PHACTR1: variants seen among roughly 807,000 people sequenced by gnomAD.
PHACTR1 encodes phosphatase and actin regulator 1.
Under a neutral mutation model 69.2 loss-of-function variants are expected in PHACTR1, and 16 were observed. That is an observed-to-expected ratio of 0.23 (90% CI 0.16 to 0.35). The LOEUF (loss-of-function observed/expected upper bound fraction) is 0.35, where lower values mean the gene tolerates loss of function less well. Among genes scored for constraint, PHACTR1 ranks in the 10% least tolerant of loss-of-function variants. PHACTR1 has a pLI of 1.00. For missense variants in PHACTR1, 510 were observed against 734.7 expected (o/e 0.69, Z 3.54); for synonymous variants, 312 against 284.5 (o/e 1.10, Z -0.97).
At chr6:13,080,371 C>T (rs1238649575) in intron 5 of PHACTR1, among the ~76,000 whole-genome samples, 1 of 152,084 alleles carries the variant, frequency 6.6e-6, no homozygotes, top group Non-Finnish European at 1.5e-5. Context: ...GCAAAATTAA[C>T]CCTATTGAAG....
At chr6:12,846,140 G>A (rs1300026993) in intron 4 of PHACTR1, among the ~76,000 whole-genome samples, 2 of 152,170 alleles carry the variant, frequency 1.3e-5, no homozygotes, top group Admixed American at 6.5e-5. Context: ...CTCTCCACTT[G>A]GAAGGATGAC....
chr6:12,998,377 G>A (rs1011731886), intron 4 of PHACTR1, among the ~76,000 whole-genome samples: 2 of 152,136 alleles, frequency 1.3e-5, no homozygotes, highest in South Asian at 4.1e-4. Context: ...CAGCACTTTG[G>A]GAGGCTGAGG....
In PHACTR1 at chr6:12,739,562, C is replaced by G. The variant is rs372203319; in HGVS notation, c.104-10082C>G. On this transcript the variant is annotated intron_variant, in intron 3 of 14. Transcript: ENST00000332995. ...TAAATAAATTTATTTATTTTTGAGA[C>G]AGGGTCTCACTCTGTTGCCCAGGCT... Among the ~76,000 whole-genome samples the G allele has an allele frequency of 2.8e-4, 43 of 152,130 alleles. 1 individual carries two copies. In the East Asian group the frequency reaches 3.5e-3, roughly 12 times the overall value.
intron 4 of PHACTR1, among the ~76,000 whole-genome samples, chr6:12,919,509 C>G (rs12332889): frequency 0.014 from 2,063 of 152,276 alleles, 46 homozygotes; most frequent in African/African-American, 0.047. Context: ...TAAGATCCTA[C>G]AGGATCCCTG....
At chr6:13,041,339 T>TACACACAC (rs368368056) in intron 4 of PHACTR1, among the ~76,000 whole-genome samples, 16,646 of 135,196 alleles carry the variant, frequency 0.12, 1,159 homozygotes, top group East Asian at 0.23. Context: ...TTAAAATACA[T>TACACACAC]ACACACACAC....
chr6:12,855,145 T>C (rs1326809085), intron 4 of PHACTR1, among the ~76,000 whole-genome samples: 1 of 152,170 alleles, frequency 6.6e-6, no homozygotes, highest in Admixed American at 6.5e-5. Context: ...TAGGTGCCTA[T>C]CAATGGTGGA....
At chr6:13,121,175 C>G (rs1397762254) in intron 5 of PHACTR1, among the ~76,000 whole-genome samples, 1 of 152,122 alleles carries the variant, frequency 6.6e-6, no homozygotes, top group Non-Finnish European at 1.5e-5. Context: ...GAAGCGATGC[C>G]AGCAAAGAAG....
intron 4 of PHACTR1, among the ~76,000 whole-genome samples, chr6:12,883,851 G>A (rs937099339): frequency 3.3e-5 from 5 of 151,916 alleles, no homozygotes; most frequent in Non-Finnish European, 5.9e-5. Context: ...CAGTCCTTTG[G>A]CCTTACTAGG....
At chr6:12,805,480 A>G (rs1475208805) in intron 4 of PHACTR1, among the ~76,000 whole-genome samples, 2 of 152,048 alleles carry the variant, frequency 1.3e-5, no homozygotes, top group African/African-American at 2.4e-5. Context: ...TTGTACTTCC[A>G]TCTCTGACGT....
chr6:13,125,559 C>G (rs542575407), intron 5 of PHACTR1, among the ~76,000 whole-genome samples: 16 of 152,208 alleles, frequency 1.1e-4, no homozygotes, highest in Admixed American at 8.5e-4. Context: ...ATATGTCACT[C>G]TTAAAAATTC....
intron 4 of PHACTR1, among the ~76,000 whole-genome samples, chr6:12,977,829 A>G (rs1427982171): frequency 1.3e-5 from 2 of 152,080 alleles, no homozygotes; most frequent in African/African-American, 4.8e-5. Flanking sequence ...GATCTGTTCC[A>G]ATGTCTTTGT....
intron 5 of PHACTR1, among the ~76,000 whole-genome samples, chr6:13,138,263 T>C (rs1324079722): frequency 6.6e-6 from 1 of 152,152 alleles, no homozygotes; most frequent in Non-Finnish European, 1.5e-5. Flanking sequence ...TGATTACATG[T>C]CAAAGAGATG....
intron 4 of PHACTR1, among the ~76,000 whole-genome samples, chr6:12,816,737 A>G (rs1775633124): frequency 6.6e-6 from 1 of 152,228 alleles, no homozygotes; most frequent in African/African-American, 2.4e-5. Context: ...TATCCCAGTA[A>G]CAAGCTAGAG....
chr6:13,179,405 C>CGTGTGTGT lies in PHACTR1; in HGVS notation c.497-3081_497-3074dup, dbSNP rs4053019. On this transcript the variant is annotated intron_variant, in intron 6 of 14. Transcript: ENST00000332995. The surrounding 1 kb of genome is among the most constrained non-coding windows in gnomAD (Gnocchi z 4.2). The stretch of plus-strand genomic sequence containing the variant: ...TATACAGCCCATTACATTAATGTTT[C>CGTGTGTGT]GTGTGTGTGTGTGTGTGTGTGTGTG... Among the ~76,000 whole-genome samples, 7,702 of 141,968 alleles carry CGTGTGTGT rather than the reference C, an allele frequency of 0.054. 281 individuals are homozygous for CGTGTGTGT. The highest frequency in any genetic ancestry group is 0.075 in the African/African-American group (2,838 of 37,612). The allele number at this position is 141,968 out of a possible 152,430, so 93.1% of individuals were successfully genotyped here. A position where few individuals can be genotyped will look rare whatever the true frequency, so the allele number is the denominator to read the frequency against.
chr6:12,745,467 A>G (rs1765660146), intron 3 of PHACTR1, among the ~76,000 whole-genome samples: 1 of 152,230 alleles, frequency 6.6e-6, no homozygotes, highest in Non-Finnish European at 1.5e-5. Context: ...TTGAGGTCAC[A>G]GTTGAATTCA....
intron 3 of PHACTR1, among the ~76,000 whole-genome samples, chr6:12,741,348 T>C (rs1376215089): frequency 2.0e-5 from 3 of 152,074 alleles, no homozygotes; most frequent in Non-Finnish European, 4.4e-5. Flanking sequence ...AGAAATTTTA[T>C]TATTATTAAC....
At chr6:13,054,259 G>A (rs984555596) in intron 5 of PHACTR1, among the ~76,000 whole-genome samples, 2 of 152,226 alleles carry the variant, frequency 1.3e-5, no homozygotes, top group Admixed American at 1.3e-4. Flanking sequence ...TGGAGAGTTT[G>A]TATGGCATCT....
intron 3 of PHACTR1, among the ~76,000 whole-genome samples, chr6:12,730,384 A>C (rs1197480965): frequency 6.6e-6 from 1 of 152,190 alleles, no homozygotes; most frequent in Non-Finnish European, 1.5e-5. Flanking sequence ...GTTTGAAGTC[A>C]CTAAGATTAT....
intron 4 of PHACTR1, among the ~76,000 whole-genome samples, chr6:12,963,241 T>C (rs1792979836): frequency 6.6e-6 from 1 of 151,912 alleles, no homozygotes; most frequent in African/African-American, 2.4e-5. Context: ...ATAACAAGAG[T>C]AGAGCAGGTG....
Sources: gnomAD v4.1 joint callset for allele counts (sites outside exome capture counted in the v4.1 genomes callset) on GRCh38, gnomAD v4.1.1 for gene constraint, Gnocchi (gnomAD v3.1) non-coding constraint, MANE v1.5 for transcripts, NCBI Gene and HGNC (gene_info 2026-07-23, HGNC 2026-07-21) for gene names.